Variants in KIRREL3 observed in about 807,000 individuals in gnomAD.
KIRREL3 encodes the protein kirre like nephrin family adhesion molecule 3, also known as kin of IRRE-like protein 3.
Under a neutral mutation model 89.7 loss-of-function variants are expected in KIRREL3, and 36 were observed. That is an observed-to-expected ratio of 0.40 (90% CI 0.31 to 0.53). KIRREL3 has a LOEUF of 0.53. KIRREL3 is among the 20% of genes least tolerant of loss of function. The pLI is 0.49. For synonymous variants in KIRREL3, 445 were observed against 441.4 expected, an observed-to-expected ratio of 1.01 and a Z score of -0.10; for missense variants, 864 against 1,056.6, an observed-to-expected ratio of 0.82 and a Z score of 2.53.
intron 1 of KIRREL3, among the ~76,000 whole-genome samples, chr11:126,910,317 T>C (rs1346250347): frequency 1.3e-5 from 2 of 152,098 alleles, no homozygotes; most frequent in African/African-American, 4.8e-5. Flanking sequence ...CAAGGTACAG[T>C]GGGCTGGCTG....
chr11:126,827,260 C>T (rs760780501), intron 1 of KIRREL3, among the ~76,000 whole-genome samples: 4 of 151,942 alleles, frequency 2.6e-5, no homozygotes, highest in Non-Finnish European at 5.9e-5. Context: ...TCACTGCAAT[C>T]TCTGCCTCCC....
chr11:126,737,614 G>A (rs1948847322), intron 1 of KIRREL3, among the ~76,000 whole-genome samples: 1 of 152,178 alleles, frequency 6.6e-6, no homozygotes, highest in Non-Finnish European at 1.5e-5. Flanking sequence ...AGAGACTCTC[G>A]AGACACACAG....
chr11:126,510,469 C>CTTCCTTCCTTCCTTCAT (rs1439371645), intron 4 of KIRREL3, among the ~76,000 whole-genome samples: 1 of 117,138 alleles, frequency 8.5e-6, no homozygotes, highest in African/African-American at 2.8e-5. Flanking sequence ...TCCTTCCTTC[C>CTTCCTTCCTTCCTTCAT]TTTTTTTTGA....
chr11:126,521,335 G>A lies in KIRREL3; in HGVS notation c.413C>T (p.Pro138Leu). 6.4e-7 allele frequency: 1 copy of A among 1,551,196 alleles called. No individual in the cohort carries two copies. Among genetic ancestry groups the A allele is most frequent in the Non-Finnish European group, 8.7e-7 (1 of 1,146,682 alleles). ...CTTACCCAGGACTGTGAGGCGTGCGGGGCGGGAGCGGATGGCGGCCTGGAT... is the reference window on the plus strand; with the variant it reads ...CTTACCCAGGACTGTGAGGCGTGCGAGGCGGGAGCGGATGGCGGCCTGGAT... The part of the protein sequence containing the change: ...QAIQAAIRSR[P>L]ARLTVLVPPD... Residue 138 changes from proline to leucine, a missense_variant, in exon 4 of 17, where the codon CCC becomes CTC. Physicochemically the swap from Pro to Leu is moderately conservative, Grantham distance 98. Coordinates refer to ENST00000525144, the MANE Select transcript of KIRREL3 (RefSeq NM_032531.4). This position sits in a 1 kb window ranked among gnomAD's most constrained non-coding sequence, Gnocchi z 4.1.
At chr11:126,864,985 C>T in intron 1 of KIRREL3, among the ~76,000 whole-genome samples, 1 of 152,146 alleles carries the variant, frequency 6.6e-6, no homozygotes, top group Non-Finnish European at 1.5e-5. Context: ...AAGAGCTCCT[C>T]CTCACTCCTC....
At chr11:126,619,730 C>CTGACCACCT (rs964339663) in intron 1 of KIRREL3, among the ~76,000 whole-genome samples, 31 of 152,390 alleles carry the variant, frequency 2.0e-4, no homozygotes, top group Admixed American at 1.8e-3. Flanking sequence ...ACACAGCATG[C>CTGACCACCT]TGACCACCTG....
intron 1 of KIRREL3, among the ~76,000 whole-genome samples, chr11:126,975,599 A>G (rs1949543642): frequency 6.6e-6 from 1 of 152,154 alleles, no homozygotes; most frequent in Non-Finnish European, 1.5e-5. Context: ...AACTGAGGAC[A>G]GTTATAGTGT....
intron 4 of KIRREL3, among the ~76,000 whole-genome samples, chr11:126,487,282 A>G (rs117396030): frequency 6.6e-6 from 1 of 152,292 alleles, no homozygotes; most frequent in East Asian, 1.9e-4. Context: ...CAAAAATTAA[A>G]AAGACAGGCA....
chr11:126,616,417 A>G (rs949138880), intron 1 of KIRREL3, among the ~76,000 whole-genome samples: 4 of 152,176 alleles, frequency 2.6e-5, no homozygotes, highest in African/African-American at 9.7e-5. Flanking sequence ...AGTCAGATTC[A>G]GTCATGACCC....
Position 126,783,062 on chromosome 11 carries a change from C to T in KIRREL3, c.55+217393G>A, listed in dbSNP as rs1199110826. On this transcript the variant is annotated intron_variant, in intron 1 of 16. Coordinates refer to ENST00000525144, the MANE Select transcript of KIRREL3 (RefSeq NM_032531.4). The surrounding 1 kb of genome is among the most constrained non-coding windows in gnomAD (Gnocchi z 4.3). The stretch of plus-strand genomic sequence containing the variant: ...TTCCTAGAGATGTCATAACAAATAA[C>T]TACAACTGGGTGGCTAAGAGCAACA... Among the ~76,000 whole-genome samples the T allele has an allele frequency of 1.3e-5, 2 of 152,150 alleles. No individual in the cohort carries two copies. Among genetic ancestry groups the T allele is most frequent in the African/African-American group, 2.4e-5 (1 of 41,448 alleles).
intron 1 of KIRREL3, among the ~76,000 whole-genome samples, chr11:126,695,406 CAAAAA>C (rs36034228): frequency 1.6e-5 from 1 of 64,344 alleles, no homozygotes; most frequent in Non-Finnish European, 2.9e-5. Flanking sequence ...TTAGCTTTAC[CAAAAA>C]AAAAAAAAAA....
At position 126,804,165 on chromosome 11, in the gene KIRREL3, C is replaced by T. The variant is rs78200263; in HGVS notation, c.55+196290G>A. Among the ~76,000 whole-genome samples, 720 of 152,282 alleles carry T rather than the reference C, an allele frequency of 4.7e-3. 3 individuals are homozygous for T. The highest frequency in any genetic ancestry group is 0.016 in the African/African-American group (668 of 41,540). On this transcript the variant is annotated intron_variant, in intron 1 of 16. Coordinates refer to ENST00000525144, the MANE Select transcript of KIRREL3 (RefSeq NM_032531.4). ...ATATCCCAGTCAATGGCCAGCAACA[C>T]GCTAGGAAATAAACCTGATGAAACC... is the stretch of plus-strand genomic sequence containing the variant.
At chr11:126,911,431 C>T (rs943154431) in intron 1 of KIRREL3, among the ~76,000 whole-genome samples, 7 of 152,212 alleles carry the variant, frequency 4.6e-5, no homozygotes, top group African/African-American at 1.7e-4. Context: ...GTGTACTCTG[C>T]TGCAGAGACA....
rs1945427816 is a variant in KIRREL3 at position 126,879,862 on chromosome 11, T to C, written c.55+120593A>G. Among the ~76,000 whole-genome samples, 1 of 152,028 alleles carries C rather than the reference T, an allele frequency of 6.6e-6. No individual in the cohort carries two copies. The highest frequency in any genetic ancestry group is 2.1e-4 in the South Asian group (1 of 4,818). Reference sequence around the variant, plus strand: ...AAACAACATCATGCCCCTCACTGAGTGGTTAGCCTGCTTTTGTGCTCCCAT... The same window carrying C: ...AAACAACATCATGCCCCTCACTGAGCGGTTAGCCTGCTTTTGTGCTCCCAT... On this transcript the variant is annotated intron_variant, in intron 1 of 16. Transcript: ENST00000525144. The surrounding 1 kb of genome is among the most constrained non-coding windows in gnomAD (Gnocchi z 5.4).
chr11:126,902,218 T>C (rs1946402046), intron 1 of KIRREL3, among the ~76,000 whole-genome samples: 1 of 152,180 alleles, frequency 6.6e-6, no homozygotes, highest in South Asian at 2.1e-4. Flanking sequence ...GGTGCTGTCA[T>C]TGATGCTGGC....
intron 1 of KIRREL3, among the ~76,000 whole-genome samples, chr11:126,862,444 C>T (rs995594858): frequency 3.9e-5 from 6 of 152,214 alleles, no homozygotes; most frequent in African/African-American, 1.4e-4. Context: ...AAACTCCATT[C>T]CTCCTGGGAG....
At chr11:126,942,762 G>A (rs1948495860) in intron 1 of KIRREL3, among the ~76,000 whole-genome samples, 2 of 152,146 alleles carry the variant, frequency 1.3e-5, no homozygotes, top group South Asian at 2.1e-4. Flanking sequence ...GAGTAGATGC[G>A]CTCCCTTGAG....
At chr11:126,973,099 GGAA>G (rs1317530127) in intron 1 of KIRREL3, among the ~76,000 whole-genome samples, 1 of 41,160 alleles carries the variant, frequency 2.4e-5, no homozygotes, top group African/African-American at 8.7e-5. Flanking sequence ...TAAGTTTTGA[GGAA>G]AAAAAAAAAA....
In KIRREL3 at chr11:126,910,341, A is replaced by G. The variant is rs949034852; in HGVS notation, c.55+90114T>C. On this transcript the variant is annotated intron_variant, in intron 1 of 16. Transcript: ENST00000525144. ...GTGGGCTGGCTGGAGAGAAGGGATC[A>G]CTGGGGGTGGTCTTAAGGCCTTTTT... Among the ~76,000 whole-genome samples, 4 of 152,290 alleles carry G rather than the reference A, an allele frequency of 2.6e-5. No individual in the cohort carries two copies. The East Asian group carries it at 7.7e-4, about 29-fold the overall frequency.
Sources: allele counts gnomAD v4.1 joint callset (sites outside exome capture counted in the v4.1 genomes callset), GRCh38; gene constraint gnomAD v4.1.1; non-coding constraint Gnocchi (gnomAD v3.1); transcripts MANE v1.5; gene names NCBI Gene and HGNC (gene_info 2026-07-23, HGNC 2026-07-21).